DHX36: variants seen among roughly 807,000 people sequenced by gnomAD.
The protein encoded by DHX36 is ATP-dependent DNA/RNA helicase DHX36.
Under a neutral mutation model 139.0 loss-of-function variants are expected in DHX36, and 50 were observed. The observed-to-expected ratio is 0.36, with a 90% CI of 0.29 to 0.46. The LOEUF is 0.46. DHX36 is among the 20% of genes least tolerant of loss of function. The pLI, the probability that DHX36 is intolerant of heterozygous loss-of-function variation, is 1.00. For missense variants in DHX36, 1,024 were observed against 1,211.3 expected (o/e 0.85, Z 2.29); for synonymous variants, 425 against 401.9 (o/e 1.06, Z -0.69).
chr3:154,280,735 C>G, intron 21 of DHX36, 28 bp downstream of exon 21: 1 of 1,606,238 alleles, frequency 6.2e-7, no homozygotes, highest in South Asian at 1.1e-5. Flanking sequence ...ACAAAAGATA[C>G]TTATTTACAC....
At chr3:154,320,830 GCT>G in intron 1 of DHX36, among the ~76,000 whole-genome samples, 1 of 152,260 alleles carries the variant, frequency 6.6e-6, no homozygotes, top group South Asian at 2.1e-4. Flanking sequence ...TACTGCAAGG[GCT>G]ACTTCACTGG....
At chr3:154,318,496 T>C (rs1430091788) in intron 1 of DHX36, among the ~76,000 whole-genome samples, 1 of 152,114 alleles carries the variant, frequency 6.6e-6, no homozygotes, top group Non-Finnish European at 1.5e-5. Context: ...ATTATTCTAA[T>C]TTTATGAGAT....
Position 154,301,122 on chromosome 3 carries a change from A to G in DHX36, c.1223T>C (p.Val408Ala). 1 of 1,583,250 alleles carries G rather than the reference A, an allele frequency of 6.3e-7. No homozygotes were observed. Among genetic ancestry groups the G allele is most frequent in the Non-Finnish European group, 8.5e-7 (1 of 1,172,314 alleles). ...GGATCTGTGTTCTTTTTGTTCTGGA[A>G]CATACCTAAAATAAAAACATTCTTG... ...LEDVIEKIRY[V>A]PEQKEHRSQF... Residue 408 changes from valine to alanine, a missense_variant, in exon 10 of 25, where the codon GTT (valine) becomes GCT (alanine). By Grantham distance (64) the Val-to-Ala change is moderately conservative. Transcript: ENST00000496811.
At chr3:154,280,292 C>A in intron 22 of DHX36, 1 of 282,528 alleles carries the variant, frequency 3.5e-6, no homozygotes, top group Non-Finnish European at 6.5e-6. Context: ...TTTTATCCAG[C>A]CACTGGTATT....
chr3:154,316,083 T>C lies in DHX36; in HGVS notation c.324A>G (p.Lys108=). The C allele has an allele frequency of 6.2e-7, 1 of 1,613,330 alleles. No individual in the cohort carries two copies. Among genetic ancestry groups the C allele is most frequent in the Non-Finnish European group, 8.5e-7 (1 of 1,179,570 alleles). Residue 108 remains lysine (K), a synonymous_variant, in exon 2 of 25, where the codon AAA becomes AAG. Coordinates refer to ENST00000496811, the MANE Select transcript of DHX36 (RefSeq NM_020865.3). ...ACCAGGATATCTGTGCTTCTGACTC[T>C]TTATCATTCTTCGCTTGAACAGAAT... The part of the protein sequence containing the change: ...LLNSVQAKND[K]ESEAQISWFA...
chr3:154,284,678 T>C lies in DHX36; in HGVS notation c.2206-9A>G, dbSNP rs1559946175. On this transcript the variant is annotated splice_polypyrimidine_tract_variant and intron_variant, in intron 18 of 24. Transcript: ENST00000496811. ...GCAATCTTTTCTTTTCCCTTAAAAA[T>C]AGCAGACATAGCCAATTTAAATTGC... The C allele has an allele frequency of 1.2e-6, 2 of 1,606,080 alleles. No homozygotes were observed. The highest frequency in any genetic ancestry group is 1.7e-5 in the Admixed American group (1 of 58,940).
At chr3:154,290,633 C>G (rs1483289720) in intron 15 of DHX36, among the ~76,000 whole-genome samples, 1 of 77,430 alleles carries the variant, frequency 1.3e-5, no homozygotes, top group Non-Finnish European at 2.5e-5. Context: ...GACTTCATCT[C>G]AAAAAAAAAA....
rs58416816 is a variant in DHX36, at chr3:154,292,726, A to AACAC, written c.1671-36_1671-33dup. 3.1e-3 allele frequency: 4,686 copies of AACAC among 1,516,560 alleles called. 25 individuals carry two copies. The highest frequency in any genetic ancestry group is 0.027 in the African/African-American group (1,924 of 70,502). The allele number at this position is 1,516,560 out of a possible 1,614,324, so 93.9% of individuals were successfully genotyped here. On this transcript the variant is annotated intron_variant, in intron 14 of 24. Transcript: ENST00000496811. Reference sequence around the variant, plus strand: ...GGAAAACAGATATATAAAATGTTAAAACACACACACACACACACACACACA... The same window carrying AACAC: ...GGAAAACAGATATATAAAATGTTAAAACACACACACACACACACACACACACACA...
At chr3:154,305,484 CA>C in intron 6 of DHX36, 1 of 231,016 alleles carries the variant, frequency 4.3e-6, no homozygotes, top group Non-Finnish European at 8.5e-6. Flanking sequence ...TTTGAAAAGG[CA>C]AATGTGTCAG....
chr3:154,300,500 T>C lies in DHX36; in HGVS notation c.1461+94A>G, dbSNP rs1712224096. ...TCAAAAGTAATTTCTTCCAGTCTAT[T>C]TCATAAGCATTTAAGAAAACTGTAT... On this transcript the variant is annotated intron_variant, in intron 11 of 24. Transcript: ENST00000496811. 4 of 960,522 alleles carry C rather than the reference T, an allele frequency of 4.2e-6. No homozygotes were observed. In the East Asian group the frequency reaches 7.5e-5, roughly 18 times the overall value. The allele number at this position is 960,522 out of a possible 1,614,324, so 59.5% of individuals were successfully genotyped here. A position where few individuals can be genotyped will look rare whatever the true frequency, so the allele number is the denominator to read the frequency against.
intron 11 of DHX36, among the ~76,000 whole-genome samples, 163 bp downstream of exon 11, chr3:154,300,431 G>A (rs1260435215): frequency 6.6e-6 from 1 of 152,154 alleles, no homozygotes; most frequent in Non-Finnish European, 1.5e-5. Flanking sequence ...CTTCAAACAG[G>A]TCAAATGCCT....
At chr3:154,287,466 T>A (rs1711585521) in intron 17 of DHX36, among the ~76,000 whole-genome samples, 1 of 151,812 alleles carries the variant, frequency 6.6e-6, no homozygotes, top group South Asian at 2.1e-4. Flanking sequence ...ACCAGCCTGG[T>A]CAACATGGTG....
At chr3:154,321,298 G>C (rs1016029030) in intron 1 of DHX36, among the ~76,000 whole-genome samples, 1 of 152,148 alleles carries the variant, frequency 6.6e-6, no homozygotes, top group African/African-American at 2.4e-5. Flanking sequence ...ACAGTTTCTC[G>C]AACTGAAAAT....
intron 17 of DHX36, among the ~76,000 whole-genome samples, chr3:154,285,663 T>C (rs1430144248): frequency 6.6e-6 from 1 of 152,128 alleles, no homozygotes; most frequent in Non-Finnish European, 1.5e-5. Flanking sequence ...TTTTTATCTA[T>C]AAAGAATTTT....
In DHX36 at chr3:154,287,925, T is replaced by C. The variant is rs2108339620; in HGVS notation, c.2031+941A>G. ...TACATACCTACCAGCATGGTTAGAA[T>C]AAAAGGCCAATTAATAAGAAAGGTT... On this transcript the variant is annotated intron_variant, in intron 17 of 24. Coordinates refer to ENST00000496811, the MANE Select transcript of DHX36 (RefSeq NM_020865.3). Among the ~76,000 whole-genome samples, 3 of 152,060 alleles carry C rather than the reference T, an allele frequency of 2.0e-5. No homozygotes were observed. The South Asian group carries it at 6.2e-4, about 32-fold the overall frequency.
intron 1 of DHX36, chr3:154,318,982 T>C (rs1291923801): frequency 6.6e-6 from 1 of 152,186 alleles, no homozygotes; most frequent in Non-Finnish European, 1.5e-5. Flanking sequence ...TGATTAGCCC[T>C]TGAAAATGTA....
At position 154,309,736 on chromosome 3, in the gene DHX36, T is replaced by C; in HGVS notation, c.730A>G (p.Ile244Val). The change falls in exon 5 of 25, where the codon ATT (isoleucine) becomes GTT (valine). Residue 244 changes from isoleucine (I) to valine (V), a missense_variant. Physicochemically the swap from Ile to Val is conservative, Grantham distance 29. Coordinates refer to ENST00000496811, the MANE Select transcript of DHX36 (RefSeq NM_020865.3). ...CGKTTQVTQF[I>V]LDNYIERGKG... Reference sequence around the variant, plus strand: ...CCTCTTTCAATGTAGTTATCCAAAATGAACTGAGTAACTTGAGTGGTTTTG... The same window carrying C: ...CCTCTTTCAATGTAGTTATCCAAAACGAACTGAGTAACTTGAGTGGTTTTG... 3 of 1,613,428 alleles carry C rather than the reference T, an allele frequency of 1.9e-6. No individual in the cohort carries two copies. Among genetic ancestry groups the C allele is most frequent in the Non-Finnish European group, 2.5e-6 (3 of 1,179,682 alleles).
At position 154,317,366 on chromosome 3, in the gene DHX36, T is replaced by C. The variant is rs116176485; in HGVS notation, c.244-1203A>G. 5.6e-3 allele frequency among the ~76,000 whole-genome samples: 858 copies of C among 152,158 alleles called. 7 individuals carry two copies. Among genetic ancestry groups the C allele is most frequent in the African/African-American group, 0.02 (833 of 41,542 alleles). The stretch of plus-strand genomic sequence containing the variant: ...ATTGATCTCTGAGAGGTTTTGTTTT[T>C]AGAGTTATGATAGAAATTTTGGAGT... On this transcript the variant is annotated intron_variant, in intron 1 of 24. Transcript: ENST00000496811.
At chr3:154,289,933 T>C in intron 15 of DHX36, 107 bp from the exon 16 acceptor site, 1 of 643,526 alleles carries the variant, frequency 1.6e-6, no homozygotes, top group Non-Finnish European at 2.7e-6. Flanking sequence ...ATCAATTTCT[T>C]ACATGCCACA....
Sources: gnomAD v4.1 joint callset for allele counts (sites outside exome capture counted in the v4.1 genomes callset) on GRCh38, gnomAD v4.1.1 for gene constraint, MANE v1.5 for transcripts, NCBI Gene and HGNC (gene_info 2026-07-23, HGNC 2026-07-21) for gene names.